The following ERCC6 variants were observed in gnomAD, a reference collection of about 807,000 sequenced individuals.
The protein encoded by ERCC6 is DNA excision repair protein ERCC-6.
A neutral mutation model predicts 158.7 loss-of-function variants in ERCC6; 116 were observed. The ratio of observed to expected loss-of-function variants is 0.73; its 90% CI spans 0.63 to 0.85. The LOEUF is 0.85. Ranked by LOEUF, ERCC6 falls within the 40% of genes least tolerant of loss-of-function variation. ERCC6 has a pLI of 0.00. For missense variants in ERCC6, 1,698 were observed against 1,799.4 expected (o/e 0.94, Z 1.02); for synonymous variants, 678 against 659.3 (o/e 1.03, Z -0.43).
At chr10:49,478,854 T>G (rs1298895500) in intron 10 of ERCC6, among the ~76,000 whole-genome samples, 1 of 152,182 alleles carries the variant, frequency 6.6e-6, no homozygotes, top group Non-Finnish European at 1.5e-5. Context: ...TGTACAAATC[T>G]CTGTTTATGA....
At chr10:49,532,429 A>G (rs1388785057) in intron 2 of ERCC6, 114 bp downstream of exon 2, 18 of 1,527,934 alleles carry the variant, frequency 1.2e-5, no homozygotes, top group Non-Finnish European at 1.4e-5. Flanking sequence ...TGTCCTCCAA[A>G]TAAAAGGTTC....
At chr10:49,472,828 C>A in intron 15 of ERCC6, 81 bp downstream of exon 15, 1 of 1,535,332 alleles carries the variant, frequency 6.5e-7, no homozygotes, top group Non-Finnish European at 8.9e-7. Flanking sequence ...CCAACCAGAA[C>A]ATCAAAGGAC....
chr10:49,472,972 G>T lies in ERCC6; in HGVS notation c.2766C>A (p.Asn922Lys), dbSNP rs568933083. 7.4e-6 allele frequency: 12 copies of T among 1,614,128 alleles called. No homozygotes were observed. The East Asian group carries it at 2.0e-4, about 27-fold the overall frequency. Residue 922 changes from asparagine to lysine, a missense_variant, in exon 15 of 21, where the codon AAC (asparagine) becomes AAA (lysine). By Grantham distance (94) the Asn-to-Lys change is moderately conservative. Transcript: ENST00000355832. ...TGACAACTCTGTTTGCCCCCGTCAG[G>T]TTGACACCTAAGCCGCCCACCCGCG... is the stretch of plus-strand genomic sequence containing the variant. ...LTTRVGGLGVNLTGANRVVIY... is the reference protein window; with the variant it reads ...LTTRVGGLGVKLTGANRVVIY...
Position 49,458,257 on chromosome 10 carries a change from G to A in ERCC6, c.*558C>T, listed in dbSNP as rs1386597799. ...AATAAAAATACTCACCAATTTACCA[G>A]TACCTTGAAAAGAGGATCTTTCCAA... On this transcript the variant is annotated 3_prime_UTR_variant, in exon 21 of 21. Coordinates refer to ENST00000355832, the MANE Select transcript of ERCC6 (RefSeq NM_000124.4). The A allele has an allele frequency of 6.4e-6, 1 of 155,824 alleles. No homozygotes were observed. The highest frequency in any genetic ancestry group is 1.4e-5 in the Non-Finnish European group (1 of 70,412). The allele number at this position is 155,824 out of a possible 1,614,324, so 9.7% of individuals were successfully genotyped here. A position where few individuals can be genotyped will look rare whatever the true frequency, so the allele number is the denominator to read the frequency against.
chr10:49,477,346 G>A (rs1850896678), intron 11 of ERCC6, among the ~76,000 whole-genome samples: 1 of 152,036 alleles, frequency 6.6e-6, no homozygotes, highest in Admixed American at 6.5e-5. Context: ...CCTCTGCACT[G>A]TATCTGAAGA....
chr10:49,472,973 T>TTGACACCTAAGCCGCCCACCC lies in ERCC6; in HGVS notation c.2744_2764dup (p.Arg915_Val921dup), dbSNP rs767725451. Reference sequence around the variant, plus strand: ...GACAACTCTGTTTGCCCCCGTCAGGTTGACACCTAAGCCGCCCACCCGCGT... The same window carrying TTGACACCTAAGCCGCCCACCC: ...GACAACTCTGTTTGCCCCCGTCAGGTTGACACCTAAGCCGCCCACCCTGACACCTAAGCCGCCCACCCGCGT... On this transcript the variant is annotated inframe_insertion, in exon 15 of 21. Coordinates refer to ENST00000355832, the MANE Select transcript of ERCC6 (RefSeq NM_000124.4). 2 of 1,614,114 alleles carry TTGACACCTAAGCCGCCCACCC rather than the reference T, an allele frequency of 1.2e-6. No homozygotes were observed. Among genetic ancestry groups the TTGACACCTAAGCCGCCCACCC allele is most frequent in the Non-Finnish European group, 1.7e-6 (2 of 1,180,016 alleles).
At chr10:49,517,839 C>T (rs559607164) in intron 5 of ERCC6, among the ~76,000 whole-genome samples, 8 of 152,198 alleles carry the variant, frequency 5.3e-5, no homozygotes, top group African/African-American at 1.9e-4. Flanking sequence ...CCATTGTGCC[C>T]GGCCAGGCTT....
chr10:49,539,156 G>C (rs1019528809), upstream of ERCC6: 3 of 152,304 alleles, frequency 2.0e-5, no homozygotes, highest in African/African-American at 4.8e-5. Flanking sequence ...TTTTAAGCAC[G>C]GGCAAGACCA....
chr10:49,478,734 T>C (rs931484127), intron 10 of ERCC6, among the ~76,000 whole-genome samples: 2 of 152,216 alleles, frequency 1.3e-5, no homozygotes, highest in Non-Finnish European at 2.9e-5. Context: ...CTGATAATTT[T>C]GTGCCTTATT....
Position 49,524,471 on chromosome 10 carries a change from AC to A in ERCC6, c.958del (p.Val320PhefsTer9). 6.2e-7 allele frequency: 1 copy of A among 1,613,996 alleles called. No homozygotes were observed. Among genetic ancestry groups the A allele is most frequent in the Non-Finnish European group, 8.5e-7 (1 of 1,179,976 alleles). Reference sequence around the variant, plus strand: ...CAAACGCTCCTCTTTTTTGGACAGAACTCTGGCTTTCTTGTTTGGTTTGTTT... The same window carrying A: ...CAAACGCTCCTCTTTTTTGGACAGAATCTGGCTTTCTTGTTTGGTTTGTTT... ...NKNKPNKKAR[V>X]LSKKEERLKK... On this transcript the variant is annotated frameshift_variant, in exon 5 of 21. Transcript: ENST00000355832. LOFTEE classifies it high-confidence loss of function.
chr10:49,526,621 A>G (rs561277829), intron 4 of ERCC6, among the ~76,000 whole-genome samples: 16 of 152,326 alleles, frequency 1.1e-4, no homozygotes, highest in East Asian at 3.9e-4. Flanking sequence ...TTTTGCCTCA[A>G]TTAAGCCTTA....
chr10:49,502,762 T>C (rs1851376901), intron 6 of ERCC6: 1 of 152,070 alleles, frequency 6.6e-6, no homozygotes, highest in Non-Finnish European at 1.5e-5. Flanking sequence ...AGAAGTGCAA[T>C]AGTAGAGGCC....
chr10:49,463,654 C>T (rs187165709), intron 18 of ERCC6, among the ~76,000 whole-genome samples: 7 of 152,172 alleles, frequency 4.6e-5, no homozygotes, highest in East Asian at 3.9e-4. Context: ...ACAATTCCCA[C>T]GTGACATGGG....
At position 49,482,709 on chromosome 10, in the gene ERCC6, T is replaced by A. The variant is rs1390129621; in HGVS notation, c.2147A>T (p.Tyr716Phe). 3.7e-6 allele frequency: 6 copies of A among 1,613,986 alleles called. No individual in the cohort carries two copies. The highest frequency in any genetic ancestry group is 1.3e-5 in the African/African-American group (1 of 75,000). ...QFSVPITMGG[Y>F]SNASPVQVKT... ...TACCTGTACTGGGGAAGCATTTGAA[T>A]ATCCCCCCATGGTGATGGGGACGGA... The change falls in exon 10 of 21, where the codon TAT (tyrosine) becomes TTT (phenylalanine). Residue 716 changes from tyrosine (Y) to phenylalanine (F), a missense_variant. Transcript: ENST00000355832.
the ERCC6 span, among the ~76,000 whole-genome samples, chr10:49,444,129 C>T: frequency 1.3e-5 from 2 of 152,346 alleles, no homozygotes; most frequent in East Asian, 1.9e-4. Flanking sequence ...GGTCCTCCTT[C>T]CCCTGCCCTT....
At chr10:49,474,006 G>C (rs376583550) in intron 13 of ERCC6, 21 bp downstream of exon 13, 2 of 1,606,302 alleles carry the variant, frequency 1.2e-6, no homozygotes, top group Non-Finnish European at 8.5e-7. Context: ...CCTGTTTCCC[G>C]TCTGAAGTCT....
chr10:49,537,767 G>A (rs1031950800), intron 1 of ERCC6, among the ~76,000 whole-genome samples: 9 of 152,026 alleles, frequency 5.9e-5, no homozygotes, highest in Non-Finnish European at 1.2e-4. Context: ...CCAGGCTGGA[G>A]TGCAACCTCC....
intron 1 of ERCC6, among the ~76,000 whole-genome samples, chr10:49,536,154 A>T (rs533351609): frequency 1.3e-5 from 2 of 152,316 alleles, no homozygotes; most frequent in African/African-American, 4.8e-5. Flanking sequence ...GATAGGGCCA[A>T]AAACCAGACT....
intron 1 of ERCC6, among the ~76,000 whole-genome samples, chr10:49,536,090 T>G (rs751790010): frequency 6.6e-6 from 1 of 152,114 alleles, no homozygotes; most frequent in African/African-American, 2.4e-5. Context: ...AACTCCAGCC[T>G]GGGCAACAAG....
Sources: allele counts gnomAD v4.1 joint callset (sites outside exome capture counted in the v4.1 genomes callset), GRCh38; gene constraint gnomAD v4.1.1; transcripts MANE v1.5; gene names NCBI Gene and HGNC (gene_info 2026-07-23, HGNC 2026-07-21).